Variants in MAP2K4 observed in about 807,000 individuals in gnomAD.
The protein encoded by MAP2K4 is mitogen-activated protein kinase kinase 4.
In MAP2K4, 4 loss-of-function variants were observed where a neutral mutation model predicts 48.5. The observed-to-expected ratio is 0.08, with a 90% CI of 0.04 to 0.19. The LOEUF is 0.19. Among genes scored for constraint, MAP2K4 ranks in the 10% least tolerant of loss-of-function variants. The probability of loss-of-function intolerance (pLI) is 1.00; values close to 1 mark genes in which losing one functional copy is unlikely to be tolerated. For missense variants in MAP2K4, 258 were observed against 493.3 expected (o/e 0.52, Z 4.52); for synonymous variants, 166 against 173.1 (o/e 0.96, Z 0.32).
At chr17:12,024,917 C>T (rs911769073) in intron 1 of MAP2K4, among the ~76,000 whole-genome samples, 3 of 152,002 alleles carry the variant, frequency 2.0e-5, no homozygotes, top group Admixed American at 6.5e-5. Context: ...GAGAAGATCC[C>T]GTTATACCAG....
chr17:12,107,170 C>T (rs1972140756), intron 4 of MAP2K4, among the ~76,000 whole-genome samples: 1 of 151,984 alleles, frequency 6.6e-6, no homozygotes, highest in African/African-American at 2.4e-5. Flanking sequence ...AGGTTACATT[C>T]TAGTAGGGAA....
chr17:12,052,765 CCTTAA>C (rs1970181598), intron 1 of MAP2K4, among the ~76,000 whole-genome samples: 2 of 152,150 alleles, frequency 1.3e-5, no homozygotes, highest in Middle Eastern at 3.4e-3. Context: ...TAGCAAAGTT[CCTTAA>C]CTTAATTTTT....
At chr17:12,103,573 C>T (rs1269137256) in intron 4 of MAP2K4, among the ~76,000 whole-genome samples, 1 of 152,090 alleles carries the variant, frequency 6.6e-6, no homozygotes, top group African/African-American at 2.4e-5. Flanking sequence ...CATATTTACT[C>T]TTTATATGTC....
intron 2 of MAP2K4, among the ~76,000 whole-genome samples, chr17:12,059,671 T>C (rs2151529810): frequency 6.6e-6 from 1 of 152,320 alleles, no homozygotes. Context: ...ATTTCCCTTA[T>C]CTTTGTTTAT....
intron 2 of MAP2K4, among the ~76,000 whole-genome samples, chr17:12,080,397 G>A (rs1333130888): frequency 1.3e-5 from 2 of 152,058 alleles, no homozygotes; most frequent in Non-Finnish European, 2.9e-5. Flanking sequence ...TTGGGGTTTG[G>A]TGTGTGTGTG....
intron 3 of MAP2K4, among the ~76,000 whole-genome samples, chr17:12,086,699 C>T (rs907365030): frequency 3.7e-4 from 57 of 152,262 alleles, no homozygotes; most frequent in African/African-American, 1.3e-3. Flanking sequence ...TTTAGTCAAT[C>T]ATTATATGTT....
At chr17:12,137,646 A>G (rs1973247709) in intron 9 of MAP2K4, among the ~76,000 whole-genome samples, 2 of 152,174 alleles carry the variant, frequency 1.3e-5, no homozygotes, top group South Asian at 4.1e-4. Context: ...GATGCATGTA[A>G]TGGAAATAAA....
At chr17:12,061,614 T>C (rs1331026447) in intron 2 of MAP2K4, among the ~76,000 whole-genome samples, 1 of 152,234 alleles carries the variant, frequency 6.6e-6, no homozygotes, top group Non-Finnish European at 1.5e-5. Context: ...CTTTTGGTGT[T>C]ATAAATCATC....
chr17:12,127,300 G>A (rs75242853), intron 8 of MAP2K4, among the ~76,000 whole-genome samples: 308 of 152,220 alleles, frequency 2.0e-3, no homozygotes, highest in Non-Finnish European at 3.6e-3. Flanking sequence ...CATGGATCTC[G>A]GGCATCTTTT....
intron 6 of MAP2K4, among the ~76,000 whole-genome samples, chr17:12,111,664 T>C (rs961578963): frequency 6.6e-5 from 10 of 152,198 alleles, no homozygotes; most frequent in Admixed American, 2.0e-4. Flanking sequence ...TCTTACTAAA[T>C]GAAGTGATGA....
chr17:12,024,856 G>A (rs1855617010), intron 1 of MAP2K4, among the ~76,000 whole-genome samples: 1 of 152,090 alleles, frequency 6.6e-6, no homozygotes, highest in Non-Finnish European at 1.5e-5. Flanking sequence ...TTTCCCTTGT[G>A]GCAAATCTAA....
At chr17:12,039,811 CTT>C (rs894779597) in intron 1 of MAP2K4, among the ~76,000 whole-genome samples, 2 of 152,174 alleles carry the variant, frequency 1.3e-5, no homozygotes, top group African/African-American at 2.4e-5. Context: ...GTAATTCCCT[CTT>C]CTCTCTTTTC....
chr17:12,135,626 T>G (rs1973182248), intron 9 of MAP2K4, among the ~76,000 whole-genome samples: 1 of 151,878 alleles, frequency 6.6e-6, no homozygotes, highest in Non-Finnish European at 1.5e-5. Context: ...CTTGGCTCAC[T>G]GCAGCCTCCA....
intron 7 of MAP2K4, among the ~76,000 whole-genome samples, chr17:12,116,762 A>G (rs1013353484): frequency 2.6e-5 from 4 of 152,186 alleles, no homozygotes; most frequent in Non-Finnish European, 5.9e-5. Context: ...GTCATCTCCT[A>G]TGATATCAAT....
At chr17:12,029,283 C>G (rs1205252766) in intron 1 of MAP2K4, among the ~76,000 whole-genome samples, 1 of 152,144 alleles carries the variant, frequency 6.6e-6, no homozygotes, top group African/African-American at 2.4e-5. Flanking sequence ...TACTAGCATT[C>G]TGTCCTATGC....
intron 2 of MAP2K4, among the ~76,000 whole-genome samples, chr17:12,055,426 A>G (rs1220476036): frequency 6.6e-6 from 1 of 152,128 alleles, no homozygotes; most frequent in African/African-American, 2.4e-5. Flanking sequence ...AATATTTTAC[A>G]TTAACCTTCA....
At chr17:12,063,082 A>G (rs1417175658) in intron 2 of MAP2K4, among the ~76,000 whole-genome samples, 1 of 152,202 alleles carries the variant, frequency 6.6e-6, no homozygotes, top group Non-Finnish European at 1.5e-5. Flanking sequence ...TGATTCAGTG[A>G]AATCCCATCA....
intron 7 of MAP2K4, among the ~76,000 whole-genome samples, chr17:12,116,084 G>A (rs1972484529): frequency 6.6e-6 from 1 of 152,182 alleles, no homozygotes; most frequent in Non-Finnish European, 1.5e-5. Flanking sequence ...GTCGCCTGCA[G>A]CCTGCATTGC....
intron 1 of MAP2K4, among the ~76,000 whole-genome samples, chr17:12,037,446 A>G (rs1373910806): frequency 1.3e-5 from 2 of 152,140 alleles, no homozygotes; most frequent in Non-Finnish European, 2.9e-5. Context: ...CTGCATTTAA[A>G]ACTAAGAACT....
Sources: allele counts gnomAD v4.1 joint callset (sites outside exome capture counted in the v4.1 genomes callset), GRCh38; gene constraint gnomAD v4.1.1; transcripts MANE v1.5; gene names NCBI Gene and HGNC (gene_info 2026-07-23, HGNC 2026-07-21).